PABPC1: variants seen among roughly 807,000 people sequenced by gnomAD.
PABPC1 encodes the protein poly(A) binding protein cytoplasmic 1.
A neutral mutation model predicts 74.0 loss-of-function variants in PABPC1; 4 were observed. The observed-to-expected ratio is 0.05, with a 90% CI of 0.03 to 0.12. The LOEUF (loss-of-function observed/expected upper bound fraction) is 0.12, where lower values mean the gene tolerates loss of function less well. Ranked by LOEUF, PABPC1 falls within the 10% of genes least tolerant of loss-of-function variation. The pLI is 1.00. For synonymous variants in PABPC1, 227 were observed against 264.1 expected (o/e 0.86, Z 1.36); for missense variants, 271 against 821.1 (o/e 0.33, Z 8.19).
chr8:100,715,122 TACACACACACACACACAC>T (rs56819980), intron 4 of PABPC1, among the ~76,000 whole-genome samples: 1 of 131,302 alleles, frequency 7.6e-6, no homozygotes, highest in Non-Finnish European at 1.7e-5. Flanking sequence ...GATCTCTAAT[TACACACACACACACACAC>T]ACACACACAC....
At chr8:100,707,283 A>C (rs950518755) in intron 9 of PABPC1, 1 of 274,678 alleles carries the variant, frequency 3.6e-6, no homozygotes, top group Non-Finnish European at 7.1e-6. Flanking sequence ...GACACGAGAC[A>C]CAGAGATTTA....
chr8:100,715,618 G>T lies in PABPC1; in HGVS notation c.504-17C>A. 3 of 1,565,528 alleles carry T rather than the reference G, an allele frequency of 1.9e-6. No individual in the cohort carries two copies. Among genetic ancestry groups the T allele is most frequent in the Non-Finnish European group, 1.7e-6 (2 of 1,145,942 alleles). On this transcript the variant is annotated splice_polypyrimidine_tract_variant and intron_variant, in intron 3 of 14. Coordinates refer to ENST00000318607, the MANE Select transcript of PABPC1 (RefSeq NM_002568.4). The stretch of plus-strand genomic sequence containing the variant: ...CCAACAAATCTAATAAGATATACAA[G>T]GACTATAACATTAGATTCTATTTTA...
At position 100,714,333 on chromosome 8, in the gene PABPC1, CATG is replaced by C. The variant is rs144493679; in HGVS notation, c.643+1126_643+1128del. Among the ~76,000 whole-genome samples the C allele has an allele frequency of 4.6e-3, 705 of 152,270 alleles. 4 individuals are homozygous for C. Among genetic ancestry groups the C allele is most frequent in the Middle Eastern group, 0.034 (10 of 294 alleles). ...CTAAATTTGGGGGTTGAGATGTAAACATGATGTCACTTTCTATGTTTTATATCA... is the reference window on the plus strand; with the variant it reads ...CTAAATTTGGGGGTTGAGATGTAAACATGTCACTTTCTATGTTTTATATCA... On this transcript the variant is annotated intron_variant, in intron 4 of 14. Transcript: ENST00000318607.
chr8:100,719,319 G>T (rs1337757334), intron 1 of PABPC1, among the ~76,000 whole-genome samples: 1 of 151,158 alleles, frequency 6.6e-6, no homozygotes, highest in Non-Finnish European at 1.5e-5. Flanking sequence ...GAAAGTTCCA[G>T]TTTCTAGAAT....
At chr8:100,707,292 TA>T (rs113383922) in intron 9 of PABPC1, 1,770 of 241,368 alleles carry the variant, frequency 7.3e-3, no homozygotes, top group Middle Eastern at 0.016. Flanking sequence ...CACAGAGATT[TA>T]AAAAAAAAAG....
intron 1 of PABPC1, among the ~76,000 whole-genome samples, chr8:100,720,628 C>T (rs548791393): frequency 6.6e-6 from 1 of 152,348 alleles, no homozygotes; most frequent in South Asian, 2.1e-4. Context: ...TAAAAATGGT[C>T]TAAGTTGCCT....
chr8:100,714,424 AT>A (rs1250093708), intron 4 of PABPC1, among the ~76,000 whole-genome samples: 6 of 152,174 alleles, frequency 3.9e-5, no homozygotes, highest in Admixed American at 3.9e-4. Flanking sequence ...ACATGCTAGC[AT>A]GGCAGTAAGA....
intron 4 of PABPC1, among the ~76,000 whole-genome samples, chr8:100,714,654 G>A (rs538290120): frequency 7.2e-5 from 11 of 152,214 alleles, no homozygotes; most frequent in East Asian, 1.9e-4. Flanking sequence ...GCTTGAACCC[G>A]GGAGGCGGAG....
At chr8:100,713,304 C>T (rs1363618473) in intron 4 of PABPC1, 123 bp from the exon 5 acceptor site, 1 of 533,290 alleles carries the variant, frequency 1.9e-6, no homozygotes, top group Non-Finnish European at 3.2e-6. Context: ...TCCTCCCTCC[C>T]AGCCTTCTAT....
At chr8:100,714,741 T>C (rs1188829959) in intron 4 of PABPC1, among the ~76,000 whole-genome samples, 1 of 151,888 alleles carries the variant, frequency 6.6e-6, no homozygotes. Flanking sequence ...AAGTATTAGA[T>C]TTCCTAATTC....
At chr8:100,703,746 T>A (rs1810306359) in intron 14 of PABPC1, among the ~76,000 whole-genome samples, 2 of 152,246 alleles carry the variant, frequency 1.3e-5, no homozygotes, top group South Asian at 4.1e-4. Flanking sequence ...TCATTTTATA[T>A]ATATATTACT....
At chr8:100,705,301 A>G (rs886424522) in intron 12 of PABPC1, among the ~76,000 whole-genome samples, 1 of 152,262 alleles carries the variant, frequency 6.6e-6, no homozygotes, top group African/African-American at 2.4e-5. Flanking sequence ...ATCGGTGTTC[A>G]GGCAAAGTCA....
chr8:100,712,529 T>C (rs1267469295), intron 6 of PABPC1, 72 bp from the exon 7 acceptor site: 7 of 1,451,006 alleles, frequency 4.8e-6, no homozygotes, highest in Non-Finnish European at 6.6e-6. Flanking sequence ...GTCTATTATT[T>C]TACCCCATAT....
At chr8:100,706,616 A>G (rs1164154936) in intron 11 of PABPC1, 35 bp downstream of exon 11, 10 of 1,589,300 alleles carry the variant, frequency 6.3e-6, no homozygotes, top group Non-Finnish European at 8.6e-6. Context: ...CACCCAAGAA[A>G]TGTGATTTTT....
intron 5 of PABPC1, 59 bp from the exon 6 acceptor site, chr8:100,712,848 T>C (rs1810566374): frequency 2.0e-6 from 3 of 1,503,020 alleles, no homozygotes; most frequent in Non-Finnish European, 2.7e-6. Context: ...TACAGTTCAT[T>C]TCCTTAACAG....
At position 100,705,581 on chromosome 8, in the gene PABPC1, G is replaced by T; in HGVS notation, c.1687+8C>A. The T allele has an allele frequency of 7.8e-7, 1 of 1,279,410 alleles. No homozygotes were observed. The highest frequency in any genetic ancestry group is 1.1e-6 in the Non-Finnish European group (1 of 889,304). 79.3% of individuals were successfully genotyped at this position (1,279,410 alleles called of 1,614,324 possible). A position where few individuals can be genotyped will look rare whatever the true frequency, so the allele number is the denominator to read the frequency against. On this transcript the variant is annotated splice_region_variant and intron_variant, in intron 12 of 14. Coordinates refer to ENST00000318607, the MANE Select transcript of PABPC1 (RefSeq NM_002568.4). ...TCTGAACTGACAAGGTGGGACAGAA[G>T]TACTCACCCAACATTTGCTTTTGCT...
In PABPC1 at chr8:100,706,758, C is replaced by A. The variant is rs375849218; in HGVS notation, c.1495G>T (p.Ala499Ser). 1.2e-6 allele frequency: 2 copies of A among 1,613,554 alleles called. No individual in the cohort carries two copies. The highest frequency in any genetic ancestry group is 1.7e-5 in the Admixed American group (1 of 60,024). The change falls in exon 11 of 15, where the codon GCT (alanine) becomes TCT (serine). Residue 499 changes from alanine (A) to serine (S), a missense_variant. Physicochemically the swap from Ala to Ser is moderately conservative, Grantham distance 99 (BLOSUM62 1). Around this residue, in one of 7 missense-constraint regions of PABPC1, gnomAD observed 103 missense variants for 245.3 expected, o/e 0.42. Transcript: ENST00000318607. ...GTGCGGACAGCAGGAGTAGCTGCAG[C>A]GGCTGCAGCTGCAGGACGTGGACCC... ...TMGPRPAAAAAAATPAVRTVP... is the reference protein window; with the variant it reads ...TMGPRPAAAASAATPAVRTVP...
chr8:100,705,096 A>G (rs1234387582), intron 12 of PABPC1, 40 bp from the exon 13 acceptor site: 1 of 1,590,030 alleles, frequency 6.3e-7, no homozygotes, highest in Non-Finnish European at 8.6e-7. Context: ...TCAATAAAAA[A>G]AAGTTTTTAA....
intron 14 of PABPC1, 81 bp downstream of exon 14, chr8:100,704,216 A>G: frequency 9.4e-7 from 1 of 1,058,466 alleles, no homozygotes; most frequent in South Asian, 1.3e-5. Context: ...TTTGCTATGT[A>G]CATTTCAAAA....
Sources: allele counts gnomAD v4.1 joint callset (sites outside exome capture counted in the v4.1 genomes callset), GRCh38; gene constraint gnomAD v4.1.1; regional missense constraint gnomAD v4.1.1; transcripts MANE v1.5; gene names NCBI Gene and HGNC (gene_info 2026-07-23, HGNC 2026-07-21).